The following STOM variants were observed in gnomAD, a reference collection of about 807,000 sequenced individuals.
STOM encodes erythrocyte band 7 integral membrane protein.
A neutral mutation model predicts 30.6 loss-of-function variants in STOM; 25 were observed. The ratio of observed to expected loss-of-function variants is 0.82; its 90% CI spans 0.60 to 1.14. The LOEUF is 1.14. Ranked by LOEUF, STOM falls within the 50% of genes most tolerant of loss-of-function variation. The pLI is 0.00. For missense variants in STOM, 292 were observed against 365.2 expected (o/e 0.80, Z 1.63); for synonymous variants, 118 against 130.8 (o/e 0.90, Z 0.67).
intron 6 of STOM, among the ~76,000 whole-genome samples, chr9:121,345,636 C>T (rs2064282454): frequency 6.6e-6 from 1 of 152,138 alleles, no homozygotes; most frequent in Admixed American, 6.5e-5. Context: ...CAGTCACTGC[C>T]CAGGTTCATG....
chr9:121,345,888 T>C (rs2064285136), intron 6 of STOM, among the ~76,000 whole-genome samples: 1 of 152,222 alleles, frequency 6.6e-6, no homozygotes, highest in Admixed American at 6.5e-5. Flanking sequence ...TGTGCGACCT[T>C]GCGGACGTCA....
rs934302278 is a variant in STOM, at chr9:121,339,844, T to C, written c.*1358A>G. 16 of 1,182,958 alleles carry C rather than the reference T, an allele frequency of 1.4e-5. No homozygotes were observed. The highest frequency in any genetic ancestry group is 3.2e-5 in the African/African-American group (2 of 63,168). 73.3% of individuals were successfully genotyped at this position (1,182,958 alleles called of 1,614,324 possible). ...GTAAATTTAAAAAGACCTACATCTA[T>C]ATAGATATTGTAAGTTTGACAGTAT... On this transcript the variant is annotated 3_prime_UTR_variant, in exon 7 of 7. Coordinates refer to ENST00000286713, the MANE Select transcript of STOM (RefSeq NM_004099.6).
In STOM at chr9:121,339,669, G is replaced by A; in HGVS notation, c.*1533C>T. On this transcript the variant is annotated 3_prime_UTR_variant, in exon 7 of 7. Transcript: ENST00000286713. ...TACAAATGTCACCCGCCAGCTTTCT[G>A]GCCAGTAAGCAGAATGCCAGGTTGC... is the stretch of plus-strand genomic sequence containing the variant. The A allele has an allele frequency of 1.6e-6, 2 of 1,231,596 alleles. No homozygotes were observed. The highest frequency in any genetic ancestry group is 2.0e-6 in the Non-Finnish European group (2 of 987,898). The allele number at this position is 1,231,596 out of a possible 1,614,324, so 76.3% of individuals were successfully genotyped here.
At chr9:121,368,752 C>A (rs2064529890) in intron 1 of STOM, among the ~76,000 whole-genome samples, 1 of 151,952 alleles carries the variant, frequency 6.6e-6, no homozygotes, top group African/African-American at 2.4e-5. Context: ...ACCAGCCTGA[C>A]CAACATGGTG....
In STOM at chr9:121,340,569, T is replaced by C. The variant is rs1358739225; in HGVS notation, c.*633A>G. On this transcript the variant is annotated 3_prime_UTR_variant, in exon 7 of 7. Coordinates refer to ENST00000286713, the MANE Select transcript of STOM (RefSeq NM_004099.6). Reference sequence around the variant, plus strand: ...CTGGCCAACATGGTGAAACCCCGTCTCTACTAAAAAACAATAATAATAATA... The same window carrying C: ...CTGGCCAACATGGTGAAACCCCGTCCCTACTAAAAAACAATAATAATAATA... The C allele has an allele frequency of 2.0e-5, 12 of 607,606 alleles. No individual in the cohort carries two copies. The Admixed American group carries it at 7.6e-4, about 38-fold the overall frequency. 37.6% of individuals were successfully genotyped at this position (607,606 alleles called of 1,614,324 possible).
chr9:121,352,477 A>C (rs979999320), intron 4 of STOM, among the ~76,000 whole-genome samples: 2 of 152,240 alleles, frequency 1.3e-5, no homozygotes, highest in African/African-American at 4.8e-5. Flanking sequence ...GATGCATGGC[A>C]AATTCAAGTT....
chr9:121,350,394 ATTAT>A (rs2064328910), intron 4 of STOM, among the ~76,000 whole-genome samples: 2 of 152,228 alleles, frequency 1.3e-5, no homozygotes, highest in Non-Finnish European at 2.9e-5. Context: ...CTGTAGTGAC[ATTAT>A]TTATTCACAT....
At chr9:121,369,765 T>G in intron 1 of STOM, 1 of 262,224 alleles carries the variant, frequency 3.8e-6, no homozygotes, top group South Asian at 1.1e-4. Flanking sequence ...GGGCAAAGGG[T>G]GAGATGTGGG....
chr9:121,340,353 G>A lies in STOM; in HGVS notation c.*849C>T. On this transcript the variant is annotated 3_prime_UTR_variant, in exon 7 of 7. Transcript: ENST00000286713. Reference sequence around the variant, plus strand: ...ATTTCCTCTAGTTCTGACAAGTACAGGCAAGAAAATGGCTACTCTCAAGTA... The same window carrying A: ...ATTTCCTCTAGTTCTGACAAGTACAAGCAAGAAAATGGCTACTCTCAAGTA... 4 of 985,368 alleles carry A rather than the reference G, an allele frequency of 4.1e-6. No individual in the cohort carries two copies. Among genetic ancestry groups the A allele is most frequent in the Non-Finnish European group, 4.8e-6 (4 of 829,914 alleles). 61.0% of individuals were successfully genotyped at this position (985,368 alleles called of 1,614,324 possible). A position where few individuals can be genotyped will look rare whatever the true frequency, so the allele number is the denominator to read the frequency against.
At chr9:121,368,625 A>G (rs2064528289) in intron 1 of STOM, among the ~76,000 whole-genome samples, 2 of 152,220 alleles carry the variant, frequency 1.3e-5, no homozygotes. Flanking sequence ...TGAAGATTCA[A>G]TAAAATAATA....
chr9:121,341,649 T>C (rs906555221), intron 6 of STOM, among the ~76,000 whole-genome samples: 1 of 152,212 alleles, frequency 6.6e-6, no homozygotes, highest in African/African-American at 2.4e-5. Flanking sequence ...CTTTCTCCCA[T>C]TTTCCAGGGT....
chr9:121,361,929 T>C (rs952772767), intron 1 of STOM, among the ~76,000 whole-genome samples: 18 of 152,208 alleles, frequency 1.2e-4, no homozygotes, highest in African/African-American at 4.1e-4. Context: ...ACAACCTAGA[T>C]CCCTCATATG....
chr9:121,345,894 C>T (rs182568461), intron 6 of STOM, among the ~76,000 whole-genome samples: 109 of 152,222 alleles, frequency 7.2e-4, no homozygotes, highest in African/African-American at 2.4e-3. Context: ...ACCTTGCGGA[C>T]GTCACTTAAC....
intron 1 of STOM, 51 bp downstream of exon 1, chr9:121,370,076 T>G: frequency 6.7e-7 from 1 of 1,487,582 alleles, no homozygotes; most frequent in Non-Finnish European, 9.0e-7. Context: ...GAGCGCACGC[T>G]GCGGGCGGGG....
At chr9:121,366,363 A>G (rs2064503794) in intron 1 of STOM, 1 of 590,196 alleles carries the variant, frequency 1.7e-6, no homozygotes. Context: ...GTGTGTGTCA[A>G]TAGAAAATTA....
At chr9:121,357,493 G>T (rs986170143) in intron 1 of STOM, among the ~76,000 whole-genome samples, 1 of 139,146 alleles carries the variant, frequency 7.2e-6, no homozygotes, top group Non-Finnish European at 1.6e-5. Context: ...AGGCTGGAGT[G>T]CAGCAGCACA....
Position 121,356,078 on chromosome 9 carries a change from G to A in STOM, c.140C>T (p.Pro47Leu). The A allele has an allele frequency of 6.2e-7, 1 of 1,614,074 alleles. No individual in the cohort carries two copies. Among genetic ancestry groups the A allele is most frequent in the South Asian group, 1.1e-5 (1 of 91,058 alleles). ...CTTTATGCACATCCATATTGAGATT[G>A]GGAAAGTTATAACGGTGAATAAGAA... ...FSFLFTVITF[P>L]ISIWMCIKII... The change falls in exon 2 of 7, where the codon CCA becomes CTA. Residue 47 changes from proline (P) to leucine (L), a missense_variant. Transcript: ENST00000286713.
chr9:121,358,158 T>A (rs1017830431), intron 1 of STOM, among the ~76,000 whole-genome samples: 6 of 149,002 alleles, frequency 4.0e-5, no homozygotes, highest in Admixed American at 2.7e-4. Context: ...AAAAAAATAA[T>A]AATAATAATA....
At chr9:121,353,182 T>A in intron 4 of STOM, 38 bp downstream of exon 4, 5 of 1,299,448 alleles carry the variant, frequency 3.8e-6, no homozygotes, top group Non-Finnish European at 5.5e-6. Flanking sequence ...TAAAGCACTT[T>A]CACATATGAT....
Sources: allele counts gnomAD v4.1 joint callset (sites outside exome capture counted in the v4.1 genomes callset), GRCh38; gene constraint gnomAD v4.1.1; transcripts MANE v1.5; gene names NCBI Gene and HGNC (gene_info 2026-07-23, HGNC 2026-07-21).